DLGAP1: variants seen among roughly 807,000 people sequenced by gnomAD.
The protein encoded by DLGAP1 is disks large-associated protein 1.
DLGAP1 carries 11 observed loss-of-function variants against 90.8 expected under a neutral mutation model. The observed-to-expected ratio is 0.12, with a 90% CI of 0.08 to 0.20. DLGAP1 has a LOEUF of 0.20. Among genes scored for constraint, DLGAP1 ranks in the 10% least tolerant of loss-of-function variants. The pLI is 1.00. For synonymous variants in DLGAP1, 558 were observed against 540.7 expected (o/e 1.03, Z -0.44); for missense variants, 1,050 against 1,333.8 (o/e 0.79, Z 3.31).
intron 2 of DLGAP1, among the ~76,000 whole-genome samples, chr18:4,050,533 T>C (rs1194501984): frequency 1.3e-5 from 2 of 152,220 alleles, no homozygotes; most frequent in East Asian, 3.8e-4. Context: ...TAAGCTTTAT[T>C]ATTGTCAATA....
chr18:3,706,171 T>C (rs2061427699), intron 7 of DLGAP1, among the ~76,000 whole-genome samples: 1 of 151,766 alleles, frequency 6.6e-6, no homozygotes, highest in African/African-American at 2.4e-5. Context: ...TAACTTTTTG[T>C]ATTTTTAGTA....
At chr18:4,077,514 TGTGA>T (rs1044875400) in intron 2 of DLGAP1, among the ~76,000 whole-genome samples, 17 of 152,202 alleles carry the variant, frequency 1.1e-4, no homozygotes, top group Non-Finnish European at 2.4e-4. Flanking sequence ...GGTGGGGAGC[TGTGA>T]GTGACTTCTC....
At chr18:3,830,124 T>C (rs1466118817) in intron 4 of DLGAP1, among the ~76,000 whole-genome samples, 1 of 152,246 alleles carries the variant, frequency 6.6e-6, no homozygotes, top group Non-Finnish European at 1.5e-5. Flanking sequence ...TTACTGGCTC[T>C]GTACCAGCAC....
At chr18:3,880,214 T>G (rs1243989015) in intron 3 of DLGAP1, 74 bp from the exon 4 acceptor site, 1 of 737,174 alleles carries the variant, frequency 1.4e-6, no homozygotes, top group African/African-American at 1.7e-5. Flanking sequence ...TACAGGGTCT[T>G]GCTCTGTTGC....
In DLGAP1 at chr18:3,894,894, TAC is replaced by T. The variant is rs570400809; in HGVS notation, c.-72-14756_-72-14755del. ...GATGTTGGCCAGATTGTCTGAGAGC[TAC>T]AGAGTTGACCTCCTTGTTTGTCCCT... On this transcript the variant is annotated intron_variant, in intron 3 of 12. Transcript: ENST00000315677. The T allele has an allele frequency of 1.6e-4, 24 of 152,346 alleles. No individual in the cohort carries two copies. In the East Asian group the frequency reaches 4.6e-3, roughly 29 times the overall value. 9.4% of individuals were successfully genotyped at this position (152,346 alleles called of 1,614,324 possible). A position where few individuals can be genotyped will look rare whatever the true frequency, so the allele number is the denominator to read the frequency against.
intron 1 of DLGAP1, among the ~76,000 whole-genome samples, chr18:4,252,843 G>A (rs1485608239): frequency 6.6e-6 from 1 of 152,144 alleles, no homozygotes; most frequent in South Asian, 2.1e-4. Flanking sequence ...CATCACAATG[G>A]CTGTAGCGCC....
chr18:4,448,460 C>T (rs1056220508), intron 1 of DLGAP1, among the ~76,000 whole-genome samples: 1 of 152,132 alleles, frequency 6.6e-6, no homozygotes, highest in Non-Finnish European at 1.5e-5. Flanking sequence ...TCATCAAGAT[C>T]CCTTAGGATT....
intron 7 of DLGAP1, among the ~76,000 whole-genome samples, chr18:3,689,390 C>A (rs774427084): frequency 2.6e-5 from 4 of 152,176 alleles, no homozygotes; most frequent in Non-Finnish European, 5.9e-5. Flanking sequence ...ATTTTAGATA[C>A]CCCATCATCC....
chr18:4,152,736 C>T (rs1280997130), intron 1 of DLGAP1, among the ~76,000 whole-genome samples: 1 of 152,128 alleles, frequency 6.6e-6, no homozygotes. Flanking sequence ...ACCTCTTTAT[C>T]CATGACATAG....
chr18:4,148,591 A>G (rs1453707570), intron 2 of DLGAP1, among the ~76,000 whole-genome samples: 1 of 152,144 alleles, frequency 6.6e-6, no homozygotes, highest in East Asian at 1.9e-4. Flanking sequence ...CTCAGTTTGC[A>G]TGTCGTGGAT....
intron 7 of DLGAP1, among the ~76,000 whole-genome samples, chr18:3,700,711 G>A (rs948780551): frequency 1.3e-5 from 2 of 152,038 alleles, no homozygotes; most frequent in African/African-American, 2.4e-5. Context: ...CCAGGTTCAC[G>A]CCATTCTCCT....
intron 1 of DLGAP1, among the ~76,000 whole-genome samples, chr18:4,208,397 G>A (rs1421965380): frequency 6.6e-6 from 1 of 152,200 alleles, no homozygotes; most frequent in East Asian, 1.9e-4. Context: ...ATTATGATCT[G>A]TTTTTCTTTT....
chr18:3,853,723 A>G (rs965449533), intron 4 of DLGAP1, among the ~76,000 whole-genome samples: 2 of 152,042 alleles, frequency 1.3e-5, no homozygotes, highest in African/African-American at 2.4e-5. Flanking sequence ...AAATGCTCCA[A>G]TGAGCATTTC....
intron 1 of DLGAP1, among the ~76,000 whole-genome samples, chr18:4,215,000 A>G (rs532889788): frequency 1.6e-4 from 24 of 152,300 alleles, no homozygotes; most frequent in African/African-American, 5.8e-4. Flanking sequence ...GAAAGAGATA[A>G]AGAGTTCAGG....
chr18:3,692,001 A>G (rs866152511), intron 7 of DLGAP1, among the ~76,000 whole-genome samples: 1 of 152,224 alleles, frequency 6.6e-6, no homozygotes, highest in Non-Finnish European at 1.5e-5. Context: ...AAAATAGAAA[A>G]TCTTGAATCC....
At chr18:3,791,773 G>A (rs1307930542) in intron 5 of DLGAP1, among the ~76,000 whole-genome samples, 5 of 152,212 alleles carry the variant, frequency 3.3e-5, no homozygotes, top group Non-Finnish European at 7.3e-5. Flanking sequence ...GAAGCTGGGT[G>A]TGGTGGTACA....
At chr18:4,409,220 T>C (rs889357994) in intron 1 of DLGAP1, among the ~76,000 whole-genome samples, 1 of 152,146 alleles carries the variant, frequency 6.6e-6, no homozygotes, top group Non-Finnish European at 1.5e-5. Flanking sequence ...TTCTAAGTTA[T>C]AAAGAGAAAA....
At chr18:3,575,761 G>C (rs1015102950) in intron 8 of DLGAP1, among the ~76,000 whole-genome samples, 2 of 152,082 alleles carry the variant, frequency 1.3e-5, no homozygotes, top group African/African-American at 4.8e-5. Context: ...TCTAAATCCA[G>C]AGCAGCCAGT....
intron 3 of DLGAP1, chr18:3,978,744 T>G (rs2149025539): frequency 6.5e-6 from 1 of 153,034 alleles, no homozygotes; most frequent in Middle Eastern, 3.3e-3. Flanking sequence ...ACTCTAGAAC[T>G]TTCGAAGGCG....
Sources: gnomAD v4.1 joint callset for allele counts (sites outside exome capture counted in the v4.1 genomes callset) on GRCh38, gnomAD v4.1.1 for gene constraint, MANE v1.5 for transcripts, NCBI Gene and HGNC (gene_info 2026-07-23, HGNC 2026-07-21) for gene names.